MAF: variants seen among roughly 807,000 people sequenced by gnomAD.
MAF encodes the protein MAF bZIP transcription factor.
MAF carries 10 observed loss-of-function variants against 22.0 expected under a neutral mutation model. The ratio of observed to expected loss-of-function variants is 0.45; its 90% confidence interval spans 0.28 to 0.77. MAF has a LOEUF of 0.77. MAF is among the 30% of genes least tolerant of loss of function. The pLI is 0.12. For synonymous variants in MAF, 337 were observed against 255.8 expected, an observed-to-expected ratio of 1.32 and a Z score of -3.03; for missense variants, 544 against 548.4, an observed-to-expected ratio of 0.99 and a Z score of 0.08.
At chr16:79,212,917 A>AAAAG in the MAF span, 2 of 150,006 alleles carry the variant, frequency 1.3e-5, no homozygotes, top group African/African-American at 4.9e-5. Flanking sequence ...AAAGAAAGAA[A>AAAAG]AAAGAAAAAT....
At chr16:79,355,260 T>C in the MAF span, among the ~76,000 whole-genome samples, 1 of 152,202 alleles carries the variant, frequency 6.6e-6, no homozygotes, top group African/African-American at 2.4e-5. Flanking sequence ...AATAGAGTCT[T>C]ATCTATGGCT....
chr16:79,304,695 T>A, the MAF span, among the ~76,000 whole-genome samples: 1 of 152,290 alleles, frequency 6.6e-6, no homozygotes, highest in South Asian at 2.1e-4. Context: ...AAAAACACAC[T>A]CGCTTCCTAA....
chr16:79,487,450 T>C, the MAF span, among the ~76,000 whole-genome samples: 2 of 152,158 alleles, frequency 1.3e-5, no homozygotes, highest in South Asian at 4.1e-4. Flanking sequence ...TTGCACATCT[T>C]ATTGTATTAT....
chr16:79,364,023 T>A, the MAF span, among the ~76,000 whole-genome samples: 3 of 152,118 alleles, frequency 2.0e-5, no homozygotes, highest in Non-Finnish European at 2.9e-5. Flanking sequence ...GAAAAGCAAC[T>A]CAAAGGCAAC....
At chr16:79,549,988 T>C in the MAF span, among the ~76,000 whole-genome samples, 8 of 152,324 alleles carry the variant, frequency 5.3e-5, no homozygotes, top group African/African-American at 1.4e-4. Context: ...CTAGCCTTGG[T>C]GGCAGTATAA....
the MAF span, among the ~76,000 whole-genome samples, chr16:79,240,342 A>C: frequency 0.072 from 10,928 of 151,234 alleles, 574 homozygotes; most frequent in Middle Eastern, 0.15. Context: ...ATGCCTGGTG[A>C]CATTTTAACT....
chr16:79,211,984 A>G, the MAF span: 1 of 1,536,182 alleles, frequency 6.5e-7, no homozygotes, highest in South Asian at 1.2e-5. Flanking sequence ...GGGGTAAAGT[A>G]TCACTTTTCT....
the MAF span, among the ~76,000 whole-genome samples, chr16:79,482,505 C>T: frequency 1.3e-5 from 2 of 152,178 alleles, no homozygotes; most frequent in African/African-American, 4.8e-5. Flanking sequence ...CTGCCAGCTT[C>T]CTGCTTGATA....
chr16:79,447,116 G>A, the MAF span, among the ~76,000 whole-genome samples: 1 of 152,108 alleles, frequency 6.6e-6, no homozygotes, highest in South Asian at 2.1e-4. Flanking sequence ...CAACATGGGT[G>A]TCTTTGGGGA....
the MAF span, among the ~76,000 whole-genome samples, chr16:79,245,558 C>T: frequency 1.3e-5 from 2 of 151,996 alleles, no homozygotes; most frequent in African/African-American, 2.4e-5. Context: ...CAGGAAACAA[C>T]AGATGCTGGA....
the MAF span, among the ~76,000 whole-genome samples, chr16:79,227,293 G>A: frequency 3.9e-5 from 6 of 152,236 alleles, no homozygotes; most frequent in South Asian, 1.2e-3. Flanking sequence ...CAAGACTGCA[G>A]TGAGCCTTGA....
the MAF span, among the ~76,000 whole-genome samples, chr16:79,519,477 G>T: frequency 1.3e-5 from 2 of 152,140 alleles, no homozygotes; most frequent in African/African-American, 2.4e-5. Context: ...CTGCTGCCAG[G>T]AGCCCTTAGT....
chr16:79,498,792 T>C, the MAF span, among the ~76,000 whole-genome samples: 1 of 152,248 alleles, frequency 6.6e-6, no homozygotes, highest in Non-Finnish European at 1.5e-5. Context: ...TTTCTTCTCT[T>C]ACAGCCCTTG....
the MAF span, among the ~76,000 whole-genome samples, chr16:79,558,646 C>T: frequency 6.6e-6 from 1 of 152,148 alleles, no homozygotes; most frequent in Non-Finnish European, 1.5e-5. Flanking sequence ...CATTTTCATT[C>T]ATAGTTGGAA....
chr16:79,239,480 A>C, the MAF span, among the ~76,000 whole-genome samples: 1 of 152,060 alleles, frequency 6.6e-6, no homozygotes, highest in African/African-American at 2.4e-5. Flanking sequence ...ATTCCAACCC[A>C]CTGAATGATA....
At chr16:79,575,933 A>C in the MAF span, among the ~76,000 whole-genome samples, 1 of 152,038 alleles carries the variant, frequency 6.6e-6, no homozygotes, top group Non-Finnish European at 1.5e-5. Context: ...GTGATCCTGG[A>C]TTTTCTACAA....
chr16:79,486,064 G>T, the MAF span, among the ~76,000 whole-genome samples: 1 of 152,174 alleles, frequency 6.6e-6, no homozygotes, highest in Non-Finnish European at 1.5e-5. Flanking sequence ...AAGGTCAAAA[G>T]AGATAATAAA....
At chr16:79,211,489 G>C in the MAF span, 33 of 1,309,226 alleles carry the variant, frequency 2.5e-5, no homozygotes, top group East Asian at 4.9e-5. Context: ...GCTATGCCAA[G>C]ATCCAGCTGA....
chr16:79,488,394 G>C, the MAF span, among the ~76,000 whole-genome samples: 5,531 of 152,214 alleles, frequency 0.036, 318 homozygotes, highest in African/African-American at 0.12. Flanking sequence ...GACTGCTTGG[G>C]ATTGGAGCTT....
Sources: allele counts gnomAD v4.1 joint callset (sites outside exome capture counted in the v4.1 genomes callset), GRCh38; gene constraint gnomAD v4.1.1; transcripts MANE v1.5; gene names NCBI Gene and HGNC (gene_info 2026-07-23, HGNC 2026-07-21).